Variants in FANCC observed in about 807,000 individuals in gnomAD.
The protein encoded by FANCC is Fanconi anemia group C protein.
In FANCC, 55 loss-of-function variants were observed where a neutral mutation model predicts 71.3. The ratio of observed to expected loss-of-function variants is 0.77; its 90% confidence interval spans 0.62 to 0.97. The LOEUF (loss-of-function observed/expected upper bound fraction) is 0.97, where lower values mean the gene tolerates loss of function less well. FANCC is among the 50% of genes least tolerant of loss of function. The pLI, the probability that FANCC is intolerant of heterozygous loss-of-function variation, is 0.00. For synonymous variants in FANCC, 275 were observed against 244.9 expected (o/e 1.12, Z -1.15); for missense variants, 678 against 670.9 (o/e 1.01, Z -0.12).
chr9:95,141,207 G>A (rs1828613072), intron 7 of FANCC, among the ~76,000 whole-genome samples: 1 of 151,538 alleles, frequency 6.6e-6, no homozygotes, highest in East Asian at 2.0e-4. Flanking sequence ...AGCCACTCGG[G>A]AGGCTGAGGT....
rs568348141 is a variant in FANCC at position 95,274,315 on chromosome 9, G to A, written c.-78-24946C>T. Among the ~76,000 whole-genome samples, 18 of 152,168 alleles carry A rather than the reference G, an allele frequency of 1.2e-4. No homozygotes were observed. The South Asian group carries it at 3.1e-3, about 26-fold the overall frequency. On this transcript the variant is annotated intron_variant, in intron 1 of 14. Coordinates refer to ENST00000289081, the MANE Select transcript of FANCC (RefSeq NM_000136.3). Reference sequence around the variant, plus strand: ...CTGTATTAGTTTGCTGAGAATGATCGTTTCCAGCTTTATCCATGTCCCTGC... The same window carrying A: ...CTGTATTAGTTTGCTGAGAATGATCATTTCCAGCTTTATCCATGTCCCTGC...
At chr9:95,221,150 T>C (rs574926862) in intron 4 of FANCC, among the ~76,000 whole-genome samples, 1 of 152,162 alleles carries the variant, frequency 6.6e-6, no homozygotes, top group South Asian at 2.1e-4. Flanking sequence ...GGGGAATCGC[T>C]TGAACCCGGG....
intron 1 of FANCC, among the ~76,000 whole-genome samples, chr9:95,266,922 C>T (rs1025094830): frequency 6.6e-6 from 1 of 152,144 alleles, no homozygotes; most frequent in African/African-American, 2.4e-5. Flanking sequence ...GGTAAATTCA[C>T]TTTTGGATGG....
At chr9:95,211,587 A>G (rs923532837) in intron 4 of FANCC, among the ~76,000 whole-genome samples, 1 of 152,194 alleles carries the variant, frequency 6.6e-6, no homozygotes, top group African/African-American at 2.4e-5. Context: ...TCTACAAAAC[A>G]TAAATGTCTG....
intron 1 of FANCC, among the ~76,000 whole-genome samples, chr9:95,275,656 T>TA (rs562077270): frequency 6.6e-6 from 1 of 152,122 alleles, no homozygotes; most frequent in Non-Finnish European, 1.5e-5. Context: ...AAAACTGCTC[T>TA]AAAAAATAGT....
chr9:95,276,850 C>T (rs781105793), intron 1 of FANCC, among the ~76,000 whole-genome samples: 14 of 152,206 alleles, frequency 9.2e-5, no homozygotes, highest in Non-Finnish European at 1.9e-4. Flanking sequence ...AGAGAATACT[C>T]GCCCACAGTA....
intron 6 of FANCC, among the ~76,000 whole-genome samples, chr9:95,150,439 A>T (rs1830113470): frequency 6.6e-6 from 1 of 151,966 alleles, no homozygotes; most frequent in African/African-American, 2.4e-5. Context: ...CCTTTCTCTC[A>T]GGCCCCTCAT....
intron 7 of FANCC, among the ~76,000 whole-genome samples, chr9:95,137,462 C>T (rs991771978): frequency 2.2e-4 from 34 of 152,084 alleles, no homozygotes; most frequent in African/African-American, 8.0e-4. Context: ...CAGGACCCAC[C>T]GGCAGGCCCC....
At chr9:95,257,845 A>G (rs558191564) in intron 1 of FANCC, among the ~76,000 whole-genome samples, 12 of 152,148 alleles carry the variant, frequency 7.9e-5, no homozygotes, top group African/African-American at 2.9e-4. Context: ...AATGATAAAG[A>G]ATATCACCAC....
At chr9:95,183,481 C>T (rs1032772920) in intron 4 of FANCC, among the ~76,000 whole-genome samples, 7 of 152,232 alleles carry the variant, frequency 4.6e-5, no homozygotes, top group African/African-American at 1.7e-4. Flanking sequence ...AGAACATAAT[C>T]GCTGCAGGAT....
chr9:95,229,677 T>C (rs926373375), intron 4 of FANCC, among the ~76,000 whole-genome samples: 1 of 152,082 alleles, frequency 6.6e-6, no homozygotes, highest in Non-Finnish European at 1.5e-5. Context: ...CAAGTGGAGA[T>C]GTCACACAGG....
At chr9:95,192,561 A>G (rs546329471) in intron 4 of FANCC, among the ~76,000 whole-genome samples, 75 of 152,358 alleles carry the variant, frequency 4.9e-4, no homozygotes, top group African/African-American at 1.8e-3. Context: ...TGAACAAACT[A>G]TAGAACACCA....
Position 95,292,979 on chromosome 9 carries a change from G to A in FANCC, c.-79+24547C>T, listed in dbSNP as rs192818470. 304 of 1,578,522 alleles carry A rather than the reference G, an allele frequency of 1.9e-4. 2 individuals carry two copies. In the African/African-American group the frequency reaches 3.8e-3, roughly 20 times the overall value. On this transcript the variant is annotated intron_variant, in intron 1 of 14. Coordinates refer to ENST00000289081, the MANE Select transcript of FANCC (RefSeq NM_000136.3). ...CTCACATCTACCGAACTGGCCACGA[G>A]ATCCCTGCAGAACACAGGGACCCAC...
At chr9:95,259,076 G>C (rs149322825) in intron 1 of FANCC, among the ~76,000 whole-genome samples, 2 of 152,094 alleles carry the variant, frequency 1.3e-5, no homozygotes, top group South Asian at 4.1e-4. Context: ...CCATGCTCAC[G>C]GATAGGAAGA....
intron 8 of FANCC, among the ~76,000 whole-genome samples, chr9:95,127,831 T>C (rs572470144): frequency 6.6e-6 from 1 of 152,360 alleles, no homozygotes; most frequent in East Asian, 1.9e-4. Context: ...CGTCCACTGG[T>C]CAGCACTGCT....
At chr9:95,122,415 A>C (rs2072957588) in intron 10 of FANCC, among the ~76,000 whole-genome samples, 1 of 152,096 alleles carries the variant, frequency 6.6e-6, no homozygotes, top group South Asian at 2.1e-4. Flanking sequence ...AAAGACAGGC[A>C]CTCAGGTCCA....
intron 1 of FANCC, chr9:95,293,435 C>A: frequency 6.4e-7 from 1 of 1,572,278 alleles, no homozygotes; most frequent in South Asian, 1.2e-5. Flanking sequence ...TTAAAGAGAG[C>A]CTACTTCTTT....
At chr9:95,153,561 C>T (rs1340505201) in intron 6 of FANCC, among the ~76,000 whole-genome samples, 1 of 152,176 alleles carries the variant, frequency 6.6e-6, no homozygotes, top group Non-Finnish European at 1.5e-5. Context: ...TTTTAATTTG[C>T]ATTTCCCTGA....
At chr9:95,268,548 G>C (rs1263552113) in intron 1 of FANCC, among the ~76,000 whole-genome samples, 1 of 152,028 alleles carries the variant, frequency 6.6e-6, no homozygotes, top group Non-Finnish European at 1.5e-5. Flanking sequence ...TTAACATAAA[G>C]GAAAACATAA....
Sources: allele counts gnomAD v4.1 joint callset (sites outside exome capture counted in the v4.1 genomes callset), GRCh38; gene constraint gnomAD v4.1.1; transcripts MANE v1.5; gene names NCBI Gene and HGNC (gene_info 2026-07-23, HGNC 2026-07-21).